RTTN: variants seen among roughly 807,000 people sequenced by gnomAD.
RTTN encodes the protein rotatin.
In RTTN, 182 loss-of-function variants were observed where a neutral mutation model predicts 269.2. The observed-to-expected ratio is 0.68, with a 90% CI of 0.60 to 0.76. The LOEUF is 0.76. Ranked by LOEUF, RTTN falls within the 30% of genes least tolerant of loss-of-function variation. The pLI is 0.00. For missense variants in RTTN, 2,545 were observed against 2,608.6 expected (o/e 0.98, Z 0.53); for synonymous variants, 1,006 against 963.5 (o/e 1.04, Z -0.82).
At position 70,145,622 on chromosome 18, in the gene RTTN, A is replaced by C; in HGVS notation, c.2471T>G (p.Leu824Arg). 6.3e-7 allele frequency: 1 copy of C among 1,597,978 alleles called. No homozygotes were observed. Among genetic ancestry groups the C allele is most frequent in the Non-Finnish European group, 8.5e-7 (1 of 1,174,942 alleles). Reference protein sequence around the residue: ...IELRLDDRRELVIKLETVEKV... With the variant: ...IELRLDDRRERVIKLETVEKV... Reference sequence around the variant, plus strand: ...AAAATTTATAGTCACCTTAATAACCAGCTCTCTTCTGTCATCCAGTCTGAG... The same window carrying C: ...AAAATTTATAGTCACCTTAATAACCCGCTCTCTTCTGTCATCCAGTCTGAG... The change falls in exon 18 of 49, where the codon CTG becomes CGG. Residue 824 changes from leucine to arginine, a missense_variant. Coordinates refer to ENST00000640769, the MANE Select transcript of RTTN (RefSeq NM_173630.4).
intron 10 of RTTN, among the ~76,000 whole-genome samples, chr18:70,179,594 G>A (rs1337534729): frequency 3.3e-5 from 5 of 151,518 alleles, no homozygotes; most frequent in African/African-American, 7.3e-5. Context: ...AGGAGTTGAC[G>A]GTGGGGGAAA....
At position 70,075,363 on chromosome 18, in the gene RTTN, TTGC is replaced by T; in HGVS notation, c.4550_4552del (p.Ser1517del). On this transcript the variant is annotated inframe_deletion, in exon 33 of 49. Coordinates refer to ENST00000640769, the MANE Select transcript of RTTN (RefSeq NM_173630.4). Reference sequence around the variant, plus strand: ...GATATCGTACTTACCATTTAAATCATTGCTTTCTGAATTTCTATCAAAAGCAGA... The same window carrying T: ...GATATCGTACTTACCATTTAAATCATTTTCTGAATTTCTATCAAAAGCAGA... The T allele has an allele frequency of 6.3e-7, 1 of 1,576,740 alleles. No homozygotes were observed. Among genetic ancestry groups the T allele is most frequent in the Non-Finnish European group, 8.6e-7 (1 of 1,163,724 alleles).
chr18:70,051,983 C>T (rs2057684605), intron 38 of RTTN, among the ~76,000 whole-genome samples: 1 of 152,082 alleles, frequency 6.6e-6, no homozygotes, highest in Non-Finnish European at 1.5e-5. Flanking sequence ...CACAGTGTGC[C>T]AAGGTCAAGG....
chr18:70,101,073 G>C (rs191821118), intron 28 of RTTN, among the ~76,000 whole-genome samples: 5 of 152,290 alleles, frequency 3.3e-5, no homozygotes, highest in Admixed American at 1.3e-4. Flanking sequence ...TTTGGTATCA[G>C]GATGATGCTG....
Position 70,031,200 on chromosome 18 carries a change from A to G in RTTN, c.5542-219T>C, listed in dbSNP as rs568196669. ...TGGAAAAGAACAACAATCATTCTTA[A>G]AGACTCATCATCTACAGAAAAAAGC... On this transcript the variant is annotated intron_variant, in intron 40 of 48. Transcript: ENST00000640769. 2.3e-3 allele frequency: 1,263 copies of G among 538,718 alleles called. 1 individual carries two copies. The highest frequency in any genetic ancestry group is 3.1e-3 in the Admixed American group (87 of 27,724). The allele number at this position is 538,718 out of a possible 1,614,324, so 33.4% of individuals were successfully genotyped here.
chr18:70,009,789 T>C lies in RTTN; in HGVS notation c.6422-3305A>G, dbSNP rs145486229. ...CAATTAAAAGACACAGACTGGCAAATTGGATGAAGCGTCAAGACCCATCGG... is the reference window on the plus strand; with the variant it reads ...CAATTAAAAGACACAGACTGGCAAACTGGATGAAGCGTCAAGACCCATCGG... On this transcript the variant is annotated intron_variant, in intron 46 of 48. Coordinates refer to ENST00000640769, the MANE Select transcript of RTTN (RefSeq NM_173630.4). Among the ~76,000 whole-genome samples the C allele has an allele frequency of 3.9e-3, 594 of 152,086 alleles. 5 individuals carry two copies. Among genetic ancestry groups the C allele is most frequent in the Non-Finnish European group, 4.7e-3 (317 of 67,998 alleles).
intron 10 of RTTN, among the ~76,000 whole-genome samples, chr18:70,182,330 T>C (rs1467982739): frequency 1.3e-5 from 2 of 152,166 alleles, no homozygotes; most frequent in Middle Eastern, 3.2e-3. Context: ...CAGACCTCTA[T>C]TCACAAGGAT....
At chr18:70,083,840 G>C (rs1367251645) in intron 32 of RTTN, among the ~76,000 whole-genome samples, 1 of 151,882 alleles carries the variant, frequency 6.6e-6, no homozygotes. Context: ...TCAGGAGGCT[G>C]AGGCAAGCGT....
intron 3 of RTTN, 36 bp from the exon 4 acceptor site, chr18:70,202,019 C>T: frequency 8.4e-7 from 1 of 1,192,652 alleles, no homozygotes; most frequent in Non-Finnish European, 1.2e-6. Flanking sequence ...ATTGTCGATT[C>T]CTTATTTGCT....
chr18:70,092,713 T>C lies in RTTN; in HGVS notation c.3995A>G (p.His1332Arg). The change falls in exon 29 of 49, where the codon CAC becomes CGC. Residue 1332 changes from histidine (H) to arginine (R), a missense_variant. By Grantham distance (29) the His-to-Arg change is conservative (BLOSUM62 0). Transcript: ENST00000640769. ...CTGGGCCATCATCTCATGGGATAAG[T>C]GAAGCAAGCAAAGAATTGTGCTCTT... ...VTKSTILCLL[H>R]LSHEMMAQAG... 1 of 1,613,612 alleles carries C rather than the reference T, an allele frequency of 6.2e-7. No homozygotes were observed. The highest frequency in any genetic ancestry group is 8.5e-7 in the Non-Finnish European group (1 of 1,179,672).
intron 39 of RTTN, 81 bp from the exon 40 acceptor site, chr18:70,048,269 A>G: frequency 7.8e-7 from 1 of 1,279,162 alleles, no homozygotes; most frequent in South Asian, 1.3e-5. Flanking sequence ...ATTTTAAAGT[A>G]ACTATACTCT....
Position 70,166,932 on chromosome 18 carries a change from T to C in RTTN, c.1789A>G (p.Ile597Val), listed in dbSNP as rs1433521547. The change falls in exon 13 of 49, where the codon ATT becomes GTT. Residue 597 changes from isoleucine (I) to valine (V), a missense_variant. Physicochemically the swap from Ile to Val is conservative, Grantham distance 29 (BLOSUM62 3). Transcript: ENST00000640769. ...AGAAAATATTACATCTTTGAACAAA[T>C]GCTGATGATTTCCTTTATTAGCGGG... ...HFPLIKEIIS[I>V]CSKIWKSAQA... 2 of 1,610,528 alleles carry C rather than the reference T, an allele frequency of 1.2e-6. No individual in the cohort carries two copies. Among genetic ancestry groups the C allele is most frequent in the South Asian group, 1.1e-5 (1 of 90,912 alleles).
At chr18:70,023,932 A>C (rs2056778180) in intron 44 of RTTN, among the ~76,000 whole-genome samples, 1 of 152,014 alleles carries the variant, frequency 6.6e-6, no homozygotes, top group African/African-American at 2.4e-5. Context: ...ACAGGCATGC[A>C]CCATCATGCC....
chr18:70,124,064 A>G (rs1434199809), intron 25 of RTTN, among the ~76,000 whole-genome samples: 1 of 151,834 alleles, frequency 6.6e-6, no homozygotes, highest in Non-Finnish European at 1.5e-5. Flanking sequence ...TGTGGCTTTT[A>G]AAGTCTATCT....
intron 14 of RTTN, among the ~76,000 whole-genome samples, chr18:70,164,815 G>A (rs185792768): frequency 1.3e-5 from 2 of 152,248 alleles, no homozygotes; most frequent in Admixed American, 6.5e-5. Context: ...TGTTCAAAGC[G>A]AAAAGTCCTA....
At chr18:70,023,405 A>G (rs903854485) in intron 44 of RTTN, among the ~76,000 whole-genome samples, 6 of 152,152 alleles carry the variant, frequency 3.9e-5, no homozygotes, top group Non-Finnish European at 8.8e-5. Context: ...ATTGAATTCA[A>G]CTCCAGCTTA....
intron 5 of RTTN, among the ~76,000 whole-genome samples, chr18:70,198,958 G>A (rs2061881748): frequency 6.6e-6 from 1 of 152,126 alleles, no homozygotes; most frequent in South Asian, 2.1e-4. Flanking sequence ...AGGCCAAGAG[G>A]GGCGGATCAC....
chr18:70,101,210 C>CT (rs1464810402), intron 28 of RTTN, among the ~76,000 whole-genome samples: 3 of 152,170 alleles, frequency 2.0e-5, no homozygotes, highest in South Asian at 2.1e-4. Context: ...TGGTCCTGGA[C>CT]TTTTTTTGGT....
intron 40 of RTTN, among the ~76,000 whole-genome samples, chr18:70,043,532 C>T (rs1228881317): frequency 6.6e-6 from 1 of 151,946 alleles, no homozygotes; most frequent in Non-Finnish European, 1.5e-5. Context: ...AAAATATAAG[C>T]ATGTTATTTA....
Sources: gnomAD v4.1 joint callset for allele counts (sites outside exome capture counted in the v4.1 genomes callset) on GRCh38, gnomAD v4.1.1 for gene constraint, MANE v1.5 for transcripts, NCBI Gene and HGNC (gene_info 2026-07-23, HGNC 2026-07-21) for gene names.